Variants in SIDT1 observed in about 807,000 individuals in gnomAD.
The protein encoded by SIDT1 is SID1 transmembrane family member 1, also known as SID1 transmembrane family, member 1.
Under a neutral mutation model 107.5 loss-of-function variants are expected in SIDT1, and 101 were observed. The observed-to-expected ratio is 0.94, with a 90% CI of 0.80 to 1.11. The LOEUF is 1.11. Ranked by LOEUF, SIDT1 falls within the 50% of genes least tolerant of loss-of-function variation. The pLI, the probability that SIDT1 is intolerant of heterozygous loss-of-function variation, is 0.00. For missense variants in SIDT1, 1,076 were observed against 1,058.2 expected, an observed-to-expected ratio of 1.02 and a Z score of -0.23; for synonymous variants, 395 against 398.2, an observed-to-expected ratio of 0.99 and a Z score of 0.10.
chr3:113,604,866 G>T (rs1311307967), intron 13 of SIDT1, 44 bp from the exon 14 acceptor site: 9 of 1,606,588 alleles, frequency 5.6e-6, no homozygotes, highest in Non-Finnish European at 7.7e-6. Flanking sequence ...AGACTCCACT[G>T]TTCATTTGAA....
At chr3:113,556,623 A>G (rs542520344) in intron 1 of SIDT1, among the ~76,000 whole-genome samples, 5 of 152,254 alleles carry the variant, frequency 3.3e-5, no homozygotes, top group African/African-American at 1.2e-4. Context: ...TCCAAACCAG[A>G]AGTGGTTTCC....
intron 1 of SIDT1, among the ~76,000 whole-genome samples, chr3:113,546,977 C>A (rs914773526): frequency 2.0e-5 from 3 of 152,120 alleles, no homozygotes; most frequent in Non-Finnish European, 4.4e-5. Context: ...GAAATGGGGC[C>A]TCACTATGCT....
chr3:113,566,769 A>G (rs1024343526), intron 2 of SIDT1, among the ~76,000 whole-genome samples: 2 of 152,162 alleles, frequency 1.3e-5, no homozygotes, highest in Non-Finnish European at 2.9e-5. Context: ...AAGAGCTTTT[A>G]CCATTTTAAA....
At position 113,627,632 on chromosome 3, in the gene SIDT1, C is replaced by G; in HGVS notation, c.2422-14C>G. ...CTGTCCATTCCTTTCATTTCTCTGTCCCTCTCACTTCAGGTTTTGTTAACT... is the reference window on the plus strand; with the variant it reads ...CTGTCCATTCCTTTCATTTCTCTGTGCCTCTCACTTCAGGTTTTGTTAACT... On this transcript the variant is annotated splice_polypyrimidine_tract_variant and intron_variant, in intron 24 of 24. Transcript: ENST00000264852. 1 of 1,613,460 alleles carries G rather than the reference C, an allele frequency of 6.2e-7. No individual in the cohort carries two copies. Among genetic ancestry groups the G allele is most frequent in the Non-Finnish European group, 8.5e-7 (1 of 1,179,446 alleles).
At chr3:113,616,324 A>T in intron 20 of SIDT1, 148 bp downstream of exon 20, 1 of 640,722 alleles carries the variant, frequency 1.6e-6, no homozygotes, top group South Asian at 1.8e-5. Flanking sequence ...TGGGAGAAGG[A>T]GCATGGTGCT....
intron 4 of SIDT1, among the ~76,000 whole-genome samples, 154 bp downstream of exon 4, chr3:113,577,121 G>A (rs568249902): frequency 3.4e-4 from 52 of 152,262 alleles, no homozygotes; most frequent in African/African-American, 1.2e-3. Context: ...TATTCCTTGT[G>A]TTACTGGAAT....
chr3:113,603,906 C>T, intron 12 of SIDT1, 54 bp from the exon 13 acceptor site: 1 of 1,175,854 alleles, frequency 8.5e-7, no homozygotes, highest in African/African-American at 1.5e-5. Flanking sequence ...CTTTGTATCT[C>T]ATGCATAAAG....
At position 113,626,134 on chromosome 3, in the gene SIDT1, C is replaced by G. The variant is rs539057068; in HGVS notation, c.2340C>G (p.Arg780=). Residue 780 remains arginine, a synonymous_variant, in exon 24 of 25, where the codon CGC becomes CGG. Coordinates refer to ENST00000264852, the MANE Select transcript of SIDT1 (RefSeq NM_017699.3). Reference sequence around the variant, plus strand: ...CGGCCGAATCCCGGGAGAAGAACCGCGAGTGCATTCTGCTGGATTTCTTCG... The same window carrying G: ...CGGCCGAATCCCGGGAGAAGAACCGGGAGTGCATTCTGCTGGATTTCTTCG... ...GTPAESREKN[R]ECILLDFFDD... 2 of 1,614,076 alleles carry G rather than the reference C, an allele frequency of 1.2e-6. No homozygotes were observed. Among genetic ancestry groups the G allele is most frequent in the Non-Finnish European group, 8.5e-7 (1 of 1,179,976 alleles).
Position 113,627,874 on chromosome 3 carries a change from G to A in SIDT1, c.*166G>A, listed in dbSNP as rs1444865061. 6.3e-6 allele frequency: 4 copies of A among 634,474 alleles called. No homozygotes were observed. The Admixed American group carries it at 8.7e-5, about 14-fold the overall frequency. The allele number at this position is 634,474 out of a possible 1,614,324, so 39.3% of individuals were successfully genotyped here. Reference sequence around the variant, plus strand: ...GAGGGGCTGCGGGAGATTTAAACCTGCAAGAAAGGAGGCAGAAGGGGAGCC... The same window carrying A: ...GAGGGGCTGCGGGAGATTTAAACCTACAAGAAAGGAGGCAGAAGGGGAGCC... On this transcript the variant is annotated 3_prime_UTR_variant, in exon 25 of 25. Transcript: ENST00000264852.
At chr3:113,579,547 G>T (rs1013898652) in intron 4 of SIDT1, among the ~76,000 whole-genome samples, 2 of 152,100 alleles carry the variant, frequency 1.3e-5, no homozygotes, top group Non-Finnish European at 2.9e-5. Flanking sequence ...GATGTGAATA[G>T]ACTTCCAACT....
intron 9 of SIDT1, among the ~76,000 whole-genome samples, chr3:113,592,401 A>C (rs1177960855): frequency 6.6e-6 from 1 of 152,220 alleles, no homozygotes; most frequent in African/African-American, 2.4e-5. Context: ...CTGATGAATG[A>C]ATAAATGATG....
chr3:113,549,926 G>A (rs886204748), intron 1 of SIDT1, among the ~76,000 whole-genome samples: 1 of 152,126 alleles, frequency 6.6e-6, no homozygotes, highest in Non-Finnish European at 1.5e-5. Flanking sequence ...AAAGGTATGA[G>A]GTCTCTGTCT....
intron 1 of SIDT1, among the ~76,000 whole-genome samples, chr3:113,565,188 C>T (rs1941786014): frequency 6.6e-6 from 1 of 151,866 alleles, no homozygotes; most frequent in African/African-American, 2.4e-5. Flanking sequence ...TTGCTTTTAC[C>T]CTATCTCTCT....
intron 1 of SIDT1, among the ~76,000 whole-genome samples, chr3:113,560,223 T>C (rs1174998811): frequency 6.6e-6 from 1 of 152,170 alleles, no homozygotes; most frequent in East Asian, 1.9e-4. Flanking sequence ...TGGCAGGACC[T>C]ATGTGGAAGA....
At chr3:113,634,328 T>C (rs1947110666), downstream of SIDT1, among the ~76,000 whole-genome samples, 3 of 152,304 alleles carry the variant, frequency 2.0e-5, 1 homozygote, top group South Asian at 6.2e-4. Flanking sequence ...TTTCTATTTA[T>C]AGAACATTAA....
chr3:113,606,899 C>A, intron 14 of SIDT1, 142 bp from the exon 15 acceptor site: 2 of 578,210 alleles, frequency 3.5e-6, no homozygotes, highest in Non-Finnish European at 6.4e-6. Flanking sequence ...CAGATAATGG[C>A]CCATCTGTGC....
intron 1 of SIDT1, among the ~76,000 whole-genome samples, chr3:113,554,330 C>T (rs1940602025): frequency 6.6e-6 from 1 of 152,250 alleles, no homozygotes; most frequent in African/African-American, 2.4e-5. Context: ...AATCTGAACC[C>T]CATTTGATAT....
chr3:113,588,205 C>G (rs1047227422), intron 9 of SIDT1, among the ~76,000 whole-genome samples: 2 of 152,172 alleles, frequency 1.3e-5, no homozygotes, highest in Non-Finnish European at 2.9e-5. Flanking sequence ...ATGGAAACTT[C>G]TAGCCACAGA....
chr3:113,553,504 A>G (rs997969945), intron 1 of SIDT1, among the ~76,000 whole-genome samples: 2 of 152,192 alleles, frequency 1.3e-5, no homozygotes, highest in African/African-American at 4.8e-5. Flanking sequence ...AATCCAGGGC[A>G]TAGATACTTG....
Sources: gnomAD v4.1 joint callset for allele counts (sites outside exome capture counted in the v4.1 genomes callset) on GRCh38, gnomAD v4.1.1 for gene constraint, MANE v1.5 for transcripts, NCBI Gene and HGNC (gene_info 2026-07-23, HGNC 2026-07-21) for gene names.